ZEB1: variants seen among roughly 807,000 people sequenced by gnomAD.
The protein encoded by ZEB1 is zinc finger E-box binding homeobox 1.
Under a neutral mutation model 84.9 loss-of-function variants are expected in ZEB1, and 21 were observed. The observed-to-expected ratio is 0.25, with a 90% CI of 0.18 to 0.36. The LOEUF (loss-of-function observed/expected upper bound fraction) is 0.36. Ranked by LOEUF, ZEB1 falls within the 10% of genes least tolerant of loss-of-function variation. The probability of loss-of-function intolerance (pLI) is 1.00; values close to 1 mark genes in which losing one functional copy is unlikely to be tolerated. For missense variants in ZEB1, 1,104 were observed against 1,330.2 expected (o/e 0.83, Z 2.65); for synonymous variants, 420 against 471.1 (o/e 0.89, Z 1.41).
At chr10:31,335,651 C>T (rs2037861847) in intron 1 of ZEB1, among the ~76,000 whole-genome samples, 1 of 152,200 alleles carries the variant, frequency 6.6e-6, no homozygotes, top group South Asian at 2.1e-4. Context: ...AGAAAATTTC[C>T]AGCCCTACCT....
At chr10:31,473,429 A>G (rs2138063741) in intron 2 of ZEB1, among the ~76,000 whole-genome samples, 1 of 152,202 alleles carries the variant, frequency 6.6e-6, no homozygotes, top group East Asian at 1.9e-4. Context: ...ACAAACAGAG[A>G]GCCAAATCAT....
rs79134358 is a variant in ZEB1 at position 31,510,794 on chromosome 10, T to C, written c.606T>C (p.Ser202=). The change falls in exon 5 of 9, where the codon AGT becomes AGC. Residue 202 remains serine (S), a synonymous_variant. Coordinates refer to ENST00000424869, the MANE Select transcript of ZEB1 (RefSeq NM_001174096.2). ...YRHEKNEDNF[S]CSLCSYTFAY... ...ATGAAAAGAATGAAGATAACTTTAG[T>C]TGCTCCCTGTGCAGTTACACCTTTG... is the stretch of plus-strand genomic sequence containing the variant. 5,075 of 1,613,988 alleles carry C rather than the reference T, an allele frequency of 3.1e-3. 128 individuals are homozygous for C. The African/African-American group carries it at 0.059, about 19-fold the overall frequency.
chr10:31,436,154 G>C (rs1458352832), intron 1 of ZEB1, among the ~76,000 whole-genome samples: 1 of 152,120 alleles, frequency 6.6e-6, no homozygotes, highest in Non-Finnish European at 1.5e-5. Flanking sequence ...TGGGAGTTTG[G>C]AATTTATGGC....
At chr10:31,369,907 T>C (rs923787628) in intron 1 of ZEB1, among the ~76,000 whole-genome samples, 3 of 152,242 alleles carry the variant, frequency 2.0e-5, no homozygotes, top group Non-Finnish European at 4.4e-5. Flanking sequence ...CTCTAACAGG[T>C]GTAAAGTAAT....
chr10:31,378,560 A>AG (rs1210579993), intron 1 of ZEB1, among the ~76,000 whole-genome samples: 2 of 151,524 alleles, frequency 1.3e-5, no homozygotes, highest in Non-Finnish European at 3.0e-5. Flanking sequence ...TTAAATATAT[A>AG]ATATTAAATA....
Position 31,514,599 on chromosome 10 carries a change from A to C in ZEB1, c.688-4A>C. On this transcript the variant is annotated splice_polypyrimidine_tract_variant and splice_region_variant and intron_variant, in intron 5 of 8. Transcript: ENST00000424869. The stretch of plus-strand genomic sequence containing the variant: ...CAAATAAAATACCAGTTCTTTTCTT[A>C]CAGAGACATGTGACGCAGTCTGGGT... The C allele has an allele frequency of 1.9e-6, 3 of 1,611,326 alleles. No homozygotes were observed. Among genetic ancestry groups the C allele is most frequent in the Non-Finnish European group, 2.5e-6 (3 of 1,177,978 alleles).
intron 1 of ZEB1, among the ~76,000 whole-genome samples, chr10:31,419,158 G>T (rs974387469): frequency 1.2e-4 from 19 of 152,096 alleles, no homozygotes; most frequent in Non-Finnish European, 2.6e-4. Context: ...TACAGAAGAG[G>T]TCACTTACAT....
At position 31,511,557 on chromosome 10, in the gene ZEB1, T is replaced by C. The variant is rs549367910; in HGVS notation, c.687+682T>C. Among the ~76,000 whole-genome samples the C allele has an allele frequency of 3.3e-5, 5 of 152,308 alleles. No individual in the cohort carries two copies. In the East Asian group the frequency reaches 9.6e-4, roughly 29 times the overall value. On this transcript the variant is annotated intron_variant, in intron 5 of 8. Transcript: ENST00000424869. ...AAAGCTTTTATCAGTTGTTCCTCTT[T>C]TACAAGGTCCTCATAGTTATCAGCC...
chr10:31,514,996 G>A (rs1257625949), intron 6 of ZEB1, among the ~76,000 whole-genome samples: 2 of 152,050 alleles, frequency 1.3e-5, no homozygotes, highest in African/African-American at 4.8e-5. Flanking sequence ...TCTGATGAAT[G>A]TAAATGTCAT....
chr10:31,458,046 G>C lies in ZEB1; in HGVS notation c.59-2991G>C, dbSNP rs116472342. Among the ~76,000 whole-genome samples, 849 of 152,202 alleles carry C rather than the reference G, an allele frequency of 5.6e-3. 13 individuals are homozygous for C. Among genetic ancestry groups the C allele is most frequent in the African/African-American group, 0.02 (814 of 41,544 alleles). On this transcript the variant is annotated intron_variant, in intron 1 of 8. Coordinates refer to ENST00000424869, the MANE Select transcript of ZEB1 (RefSeq NM_001174096.2). ...AGAAGCCTCCCTTCGCAAAACAGCA[G>C]GAATGTCAGCTATCTAGGCATGCAG...
At chr10:31,415,518 T>A (rs1452733866) in intron 1 of ZEB1, among the ~76,000 whole-genome samples, 3 of 151,616 alleles carry the variant, frequency 2.0e-5, no homozygotes, top group Admixed American at 6.6e-5. Context: ...TCTATACTTT[T>A]AAAAAAATTA....
At chr10:31,436,135 C>T (rs1013350072) in intron 1 of ZEB1, among the ~76,000 whole-genome samples, 4 of 152,128 alleles carry the variant, frequency 2.6e-5, no homozygotes, top group Admixed American at 6.5e-5. Context: ...GACCCTTATT[C>T]GCCATGTATG....
At chr10:31,359,260 C>G (rs1362885631) in intron 1 of ZEB1, among the ~76,000 whole-genome samples, 5 of 151,800 alleles carry the variant, frequency 3.3e-5, no homozygotes, top group Admixed American at 1.3e-4. Flanking sequence ...TCCTAAAGAC[C>G]CTATGTTAAT....
intron 1 of ZEB1, among the ~76,000 whole-genome samples, chr10:31,338,265 A>G (rs898782131): frequency 4.6e-5 from 7 of 152,228 alleles, no homozygotes; most frequent in Non-Finnish European, 8.8e-5. Flanking sequence ...TTATCAAACA[A>G]TAGCATTTTT....
intron 5 of ZEB1, among the ~76,000 whole-genome samples, chr10:31,511,661 G>T (rs2070047953): frequency 6.6e-6 from 1 of 152,042 alleles, no homozygotes; most frequent in African/African-American, 2.4e-5. Context: ...GTTTGTGAGG[G>T]TACATGTTGG....
intron 2 of ZEB1, 119 bp from the exon 3 acceptor site, chr10:31,495,657 A>G: frequency 1.0e-6 from 1 of 962,618 alleles, no homozygotes; most frequent in East Asian, 2.4e-5. Context: ...ATTTTGATAC[A>G]TGTATACAAT....
At chr10:31,439,223 T>C (rs938421352) in intron 1 of ZEB1, among the ~76,000 whole-genome samples, 7 of 152,190 alleles carry the variant, frequency 4.6e-5, no homozygotes, top group Admixed American at 2.0e-4. Flanking sequence ...GAAGACTTTC[T>C]ATATCAGTAC....
chr10:31,475,753 C>T (rs2064065708), intron 2 of ZEB1, among the ~76,000 whole-genome samples: 3 of 152,080 alleles, frequency 2.0e-5, no homozygotes, highest in South Asian at 2.1e-4. Context: ...GAATTCATCA[C>T]CACTACACCA....
Position 31,454,910 on chromosome 10 carries a change from T to G in ZEB1, c.59-6127T>G, listed in dbSNP as rs182260000. ...CTTTCTTCACAGAATTGGAAAAATC[T>G]ACTTTAAACATCATGTGGAACCAAA... is the stretch of plus-strand genomic sequence containing the variant. On this transcript the variant is annotated intron_variant, in intron 1 of 8. Transcript: ENST00000424869. Among the ~76,000 whole-genome samples, 134 of 152,290 alleles carry G rather than the reference T, an allele frequency of 8.8e-4. 1 individual carries two copies. Among genetic ancestry groups the G allele is most frequent in the African/African-American group, 3.1e-3 (128 of 41,568 alleles).
Sources: gnomAD v4.1 joint callset for allele counts (sites outside exome capture counted in the v4.1 genomes callset) on GRCh38, gnomAD v4.1.1 for gene constraint, MANE v1.5 for transcripts, NCBI Gene and HGNC (gene_info 2026-07-23, HGNC 2026-07-21) for gene names.